The following CDH11 variants were observed in gnomAD, a reference collection of about 807,000 sequenced individuals.
The protein encoded by CDH11 is cadherin 11, also known as cadherin-11.
CDH11 carries 11 observed loss-of-function variants against 67.8 expected under a neutral mutation model. That is an observed-to-expected ratio of 0.16 (90% confidence interval 0.10 to 0.27). The LOEUF (loss-of-function observed/expected upper bound fraction) is 0.27. Ranked by LOEUF, CDH11 falls within the 10% of genes least tolerant of loss-of-function variation. CDH11 has a pLI of 1.00. For missense variants in CDH11, 847 were observed against 1,031.2 expected (o/e 0.82, Z 2.45); for synonymous variants, 419 against 400.0 (o/e 1.05, Z -0.57).
chr16:65,010,101 A>G (rs998156258), intron 2 of CDH11, among the ~76,000 whole-genome samples: 4 of 152,220 alleles, frequency 2.6e-5, no homozygotes, highest in Non-Finnish European at 1.5e-5. Context: ...ACAGAGCTGG[A>G]AGGATCAGAC....
intron 12 of CDH11, among the ~76,000 whole-genome samples, chr16:64,949,717 C>A (rs147449075): frequency 9.2e-5 from 14 of 152,188 alleles, no homozygotes; most frequent in African/African-American, 2.9e-4. Flanking sequence ...TGAGCTACTG[C>A]GCCTGGCCCA....
intron 1 of CDH11, among the ~76,000 whole-genome samples, chr16:65,068,617 A>C (rs2074361888): frequency 6.6e-6 from 1 of 152,156 alleles, no homozygotes. Context: ...CTCATCGCCC[A>C]AAACCCTGTA....
In CDH11 at chr16:65,004,847, T is replaced by G. The variant is rs1056405845; in HGVS notation, c.23A>C (p.Gln8Pro). 35 of 1,553,004 alleles carry G rather than the reference T, an allele frequency of 2.3e-5. No homozygotes were observed. The highest frequency in any genetic ancestry group is 2.9e-5 in the Non-Finnish European group (33 of 1,148,242). The change falls in exon 3 of 13, where the codon CAA (glutamine) becomes CCA (proline). Residue 8 changes from glutamine (Q) to proline (P), a missense_variant. By Grantham distance (76) the Gln-to-Pro change is moderately conservative (BLOSUM62 -1). Coordinates refer to ENST00000268603, the MANE Select transcript of CDH11 (RefSeq NM_001797.4). ...CATGCCCAGGCACACCAGGGCGGCT[T>G]GTAAACAGTAGTTCTCCTTCATTTT... Reference protein sequence around the residue: MKENYCLQAALVCLGMLC... With the variant: MKENYCLPAALVCLGMLC...
chr16:64,970,082 C>T (rs945014604), intron 11 of CDH11, among the ~76,000 whole-genome samples: 46 of 152,112 alleles, frequency 3.0e-4, no homozygotes, highest in African/African-American at 1.1e-3. Flanking sequence ...GGGGTTGTTT[C>T]GTAGGCTTCT....
chr16:65,105,155 TA>T (rs1376944723), intron 1 of CDH11, among the ~76,000 whole-genome samples: 1 of 152,206 alleles, frequency 6.6e-6, no homozygotes, highest in Admixed American at 6.5e-5. Context: ...ATACACTTCA[TA>T]AAGATTGAAC....
chr16:65,021,458 G>C (rs1331848915), intron 2 of CDH11, among the ~76,000 whole-genome samples: 1 of 151,754 alleles, frequency 6.6e-6, no homozygotes, highest in Non-Finnish European at 1.5e-5. Flanking sequence ...AGACAAAAGG[G>C]AGAAAAACAA....
chr16:64,953,748 T>C (rs2071427343), intron 11 of CDH11, among the ~76,000 whole-genome samples: 1 of 152,182 alleles, frequency 6.6e-6, no homozygotes, highest in Non-Finnish European at 1.5e-5. Context: ...CTCTCACAAA[T>C]TGAAAGTTAC....
chr16:64,956,516 C>T (rs2071516451), intron 11 of CDH11, among the ~76,000 whole-genome samples: 2 of 152,148 alleles, frequency 1.3e-5, no homozygotes, highest in African/African-American at 4.8e-5. Context: ...ATATATTTCC[C>T]ATGACAAGAA....
chr16:64,952,987 C>T (rs1404175054), intron 11 of CDH11, among the ~76,000 whole-genome samples: 2 of 152,156 alleles, frequency 1.3e-5, no homozygotes, highest in Non-Finnish European at 2.9e-5. Flanking sequence ...TACAATGGCA[C>T]AGTCTTTGCA....
rs1309104407 is a variant in CDH11, at chr16:64,946,958, T to A, written c.*645A>T. On this transcript the variant is annotated 3_prime_UTR_variant, in exon 13 of 13. Coordinates refer to ENST00000268603, the MANE Select transcript of CDH11 (RefSeq NM_001797.4). The stretch of plus-strand genomic sequence containing the variant: ...CTTTAAAATTGTACAAATAGATACA[T>A]TAAAAATGACATAGAAATAGGGCGT... The A allele has an allele frequency of 1.1e-6, 1 of 912,796 alleles. No homozygotes were observed. The highest frequency in any genetic ancestry group is 5.9e-5 in the Admixed American group (1 of 17,004). The allele number at this position is 912,796 out of a possible 1,614,324, so 56.5% of individuals were successfully genotyped here. A position where few individuals can be genotyped will look rare whatever the true frequency, so the allele number is the denominator to read the frequency against.
At chr16:65,057,558 G>C (rs897730791) in intron 1 of CDH11, among the ~76,000 whole-genome samples, 5 of 152,092 alleles carry the variant, frequency 3.3e-5, no homozygotes, top group Non-Finnish European at 7.3e-5. Flanking sequence ...AAGGAAGACA[G>C]TCAGTGGAGG....
chr16:64,976,649 G>A (rs1344235072), intron 8 of CDH11, among the ~76,000 whole-genome samples: 1 of 152,170 alleles, frequency 6.6e-6, no homozygotes, highest in Non-Finnish European at 1.5e-5. Context: ...GAGGTCAGGA[G>A]TTCAAGATTA....
intron 3 of CDH11, among the ~76,000 whole-genome samples, chr16:65,001,700 G>A (rs1323136591): frequency 1.3e-5 from 2 of 151,688 alleles, no homozygotes; most frequent in Admixed American, 6.6e-5. Flanking sequence ...AGGTTGGAAA[G>A]TAGGACATAA....
chr16:65,099,206 G>T (rs1038159615), intron 1 of CDH11, among the ~76,000 whole-genome samples: 1 of 152,128 alleles, frequency 6.6e-6, no homozygotes, highest in Non-Finnish European at 1.5e-5. Context: ...AGGGTGCCAT[G>T]ATCTCCCAAG....
intron 1 of CDH11, among the ~76,000 whole-genome samples, chr16:65,106,204 G>A (rs184773821): frequency 6.6e-6 from 1 of 152,174 alleles, no homozygotes; most frequent in Admixed American, 6.5e-5. Context: ...GGGAGGTAAT[G>A]TTCCATTCTA....
At chr16:65,063,160 G>A (rs907963583) in intron 1 of CDH11, among the ~76,000 whole-genome samples, 3 of 152,260 alleles carry the variant, frequency 2.0e-5, no homozygotes, top group Admixed American at 2.0e-4. Context: ...CTTTATGTAG[G>A]CTATTCTACC....
At chr16:65,116,344 C>A (rs559085520) in intron 1 of CDH11, among the ~76,000 whole-genome samples, 3 of 152,176 alleles carry the variant, frequency 2.0e-5, no homozygotes, top group Non-Finnish European at 4.4e-5. Flanking sequence ...GAGATCTCTA[C>A]GTGTCTTAAA....
chr16:64,969,130 A>G lies in CDH11; in HGVS notation c.1642+2449T>C, dbSNP rs2071929639. Among the ~76,000 whole-genome samples the G allele has an allele frequency of 3.3e-5, 5 of 152,162 alleles. No individual in the cohort carries two copies. The South Asian group carries it at 1.0e-3, about 32-fold the overall frequency. ...AAATTGGCTCATCTAGGGTTATATA[A>G]TCTCCTTGAAAAATATAGATGGTAT... On this transcript the variant is annotated intron_variant, in intron 11 of 12. Transcript: ENST00000268603.
At chr16:64,952,915 G>A (rs957513962) in intron 11 of CDH11, among the ~76,000 whole-genome samples, 24 of 152,076 alleles carry the variant, frequency 1.6e-4, no homozygotes, top group African/African-American at 2.4e-4. Flanking sequence ...GGTATCTGCC[G>A]GGAATTGGTT....
Sources: allele counts gnomAD v4.1 joint callset (sites outside exome capture counted in the v4.1 genomes callset), GRCh38; gene constraint gnomAD v4.1.1; transcripts MANE v1.5; gene names NCBI Gene and HGNC (gene_info 2026-07-23, HGNC 2026-07-21).